Variants in KANK1 observed in about 807,000 individuals in gnomAD.
The protein encoded by KANK1 is KN motif and ankyrin repeat domains 1.
KANK1 carries 109 observed loss-of-function variants against 106.2 expected under a neutral mutation model. The ratio of observed to expected loss-of-function variants is 1.03; its 90% CI spans 0.88 to 1.20. The LOEUF (loss-of-function observed/expected upper bound fraction) is 1.20. KANK1 is among the 50% of genes most tolerant of loss of function. KANK1 has a pLI of 0.00. For missense variants in KANK1, 2,399 were observed against 1,710.7 expected (o/e 1.40, Z -7.10); for synonymous variants, 873 against 652.2 (o/e 1.34, Z -5.16).
chr9:608,028 ATTATTAT>A (rs1829678275), intron 1 of KANK1, among the ~76,000 whole-genome samples: 3 of 84,374 alleles, frequency 3.6e-5, no homozygotes, highest in South Asian at 8.3e-4. Flanking sequence ...TATTATTATT[ATTATTAT>A]TTTTTTTTTT....
intron 1 of KANK1, among the ~76,000 whole-genome samples, chr9:580,445 C>T (rs1350173058): frequency 6.6e-6 from 1 of 152,030 alleles, no homozygotes; most frequent in East Asian, 1.9e-4. Context: ...TATCTGGCCC[C>T]ACCCACATCC....
chr9:690,420 A>G (rs1331700559), intron 2 of KANK1, among the ~76,000 whole-genome samples: 1 of 152,156 alleles, frequency 6.6e-6, no homozygotes, highest in Admixed American at 6.5e-5. Context: ...GTAGAATAGC[A>G]CCATGCTTAT....
chr9:573,926 G>C (rs1057242466), intron 1 of KANK1, among the ~76,000 whole-genome samples: 1 of 152,216 alleles, frequency 6.6e-6, no homozygotes, highest in African/African-American at 2.4e-5. Context: ...ATTGCATTTA[G>C]CTTTAATTAG....
chr9:735,830 C>A, intron 7 of KANK1: 1 of 355,692 alleles, frequency 2.8e-6, no homozygotes, highest in Admixed American at 2.9e-5. Context: ...CCTTTCTCTA[C>A]TAAAAATACA....
intron 1 of KANK1, among the ~76,000 whole-genome samples, chr9:651,529 C>T (rs1306757945): frequency 6.6e-6 from 1 of 152,202 alleles, no homozygotes; most frequent in East Asian, 1.9e-4. Context: ...GATACATCCT[C>T]TGTTGAAAGG....
At chr9:630,353 A>G (rs942835928) in intron 1 of KANK1, among the ~76,000 whole-genome samples, 1 of 151,270 alleles carries the variant, frequency 6.6e-6, no homozygotes, top group African/African-American at 2.4e-5. Context: ...GATGGAGACC[A>G]TCCTGGCTAA....
intron 2 of KANK1, among the ~76,000 whole-genome samples, chr9:690,426 C>G (rs1460400576): frequency 2.0e-5 from 3 of 152,084 alleles, no homozygotes; most frequent in African/African-American, 7.2e-5. Flanking sequence ...TAGCACCATG[C>G]TTATGCATGA....
At chr9:510,651 G>A (rs554729764) in intron 1 of KANK1, among the ~76,000 whole-genome samples, 3 of 152,226 alleles carry the variant, frequency 2.0e-5, no homozygotes, top group Non-Finnish European at 2.9e-5. Flanking sequence ...AGTGGGGTTG[G>A]TGATGCTGGC....
chr9:726,451 C>G (rs1170954705), intron 3 of KANK1, among the ~76,000 whole-genome samples: 1 of 152,106 alleles, frequency 6.6e-6, no homozygotes, highest in Non-Finnish European at 1.5e-5. Context: ...CCAACCTGGC[C>G]AACATGGTGA....
At position 491,502 on chromosome 9, in the gene KANK1, C is replaced by T. The variant is rs192052156; in HGVS notation, c.-362+18229C>T. Among the ~76,000 whole-genome samples, 302 of 151,414 alleles carry T rather than the reference C, an allele frequency of 2.0e-3. 1 individual carries two copies. The highest frequency in any genetic ancestry group is 7.1e-3 in the African/African-American group (292 of 41,260). On this transcript the variant is annotated intron_variant, in intron 3 of 15. Coordinates refer to the KANK1 transcript ENST00000382303. ...CAGGATGCTCTCAATGTCTTGACCTCGTGATCCACCCTCCTCGGCCCCCCA... is the reference window on the plus strand; with the variant it reads ...CAGGATGCTCTCAATGTCTTGACCTTGTGATCCACCCTCCTCGGCCCCCCA...
At chr9:512,202 A>G (rs1225663984) in intron 1 of KANK1, among the ~76,000 whole-genome samples, 1 of 151,226 alleles carries the variant, frequency 6.6e-6, no homozygotes, top group African/African-American at 2.5e-5. Context: ...ATGTGTTACT[A>G]AGGGCTCTCC....
chr9:605,486 G>C (rs889492809), intron 1 of KANK1, among the ~76,000 whole-genome samples: 1 of 151,654 alleles, frequency 6.6e-6, no homozygotes, highest in Admixed American at 6.6e-5. Flanking sequence ...TTAAGAGCAC[G>C]TGGGAGGAAA....
chr9:692,068 T>G (rs1820076600), intron 2 of KANK1, among the ~76,000 whole-genome samples: 1 of 150,008 alleles, frequency 6.7e-6, no homozygotes, highest in Non-Finnish European at 1.5e-5. Context: ...AGATGACGGA[T>G]GACTCTAAAT....
intron 1 of KANK1, chr9:549,170 C>T (rs2061117730): frequency 6.6e-6 from 1 of 151,804 alleles, no homozygotes; most frequent in Admixed American, 6.6e-5. Flanking sequence ...TTTATTTCTT[C>T]CTCACTCTTC....
chr9:517,830 C>G (rs1266469716), intron 1 of KANK1, among the ~76,000 whole-genome samples: 1 of 150,640 alleles, frequency 6.6e-6, no homozygotes, highest in African/African-American at 2.5e-5. Context: ...CCTCCGCCTC[C>G]CAGGTTCAAG....
Position 713,084 on chromosome 9 carries a change from G to C in KANK1, c.2318G>C (p.Gly773Ala). The C allele has an allele frequency of 6.2e-7, 1 of 1,613,552 alleles. No individual in the cohort carries two copies. The highest frequency in any genetic ancestry group is 8.5e-7 in the Non-Finnish European group (1 of 1,179,558). The change falls in exon 3 of 12, where the codon GGT becomes GCT. Residue 773 changes from glycine (G) to alanine (A), a missense_variant. Transcript: ENST00000382297. Reference protein sequence around the residue: ...QININDNYLVGLKMRTIACGP... With the variant: ...QININDNYLVALKMRTIACGP... ...AATATTAACGACAACTATCTGGTTG[G>C]TCTCAAAATGAGGACTATAGCTTGT... is the stretch of plus-strand genomic sequence containing the variant.
intron 1 of KANK1, among the ~76,000 whole-genome samples, chr9:603,969 A>AAG (rs200975030): frequency 0.013 from 1,912 of 151,238 alleles, 23 homozygotes; most frequent in Non-Finnish European, 0.022. Flanking sequence ...AAAAAAAAAA[A>AAG]AAAAAAAGTA....
intron 1 of KANK1, among the ~76,000 whole-genome samples, chr9:632,637 A>C: frequency 6.6e-6 from 1 of 152,104 alleles, no homozygotes; most frequent in Admixed American, 6.5e-5. Context: ...CTTGTAATTG[A>C]TTATCACATT....
chr9:507,031 A>G lies in KANK1; in HGVS notation c.-84+2277A>G, dbSNP rs547185142. The stretch of plus-strand genomic sequence containing the variant: ...GTTGAAGCTATCCAAATTATGCAAC[A>G]TCCACTACACTTCTCACTCACCCTT... On this transcript the variant is annotated intron_variant, in intron 1 of 11. Coordinates refer to ENST00000382297, the MANE Select transcript of KANK1 (RefSeq NM_015158.5). Among the ~76,000 whole-genome samples the G allele has an allele frequency of 6.6e-5, 10 of 152,282 alleles. No individual in the cohort carries two copies. In the East Asian group the frequency reaches 1.9e-3, roughly 29 times the overall value.
Sources: gnomAD v4.1 joint callset for allele counts (sites outside exome capture counted in the v4.1 genomes callset) on GRCh38, gnomAD v4.1.1 for gene constraint, MANE v1.5 for transcripts, NCBI Gene and HGNC (gene_info 2026-07-23, HGNC 2026-07-21) for gene names.